The following RPTOR variants were observed in gnomAD, a reference collection of about 807,000 sequenced individuals.
RPTOR encodes the protein regulatory associated protein of MTOR complex 1.
RPTOR carries 21 observed loss-of-function variants against 169.9 expected under a neutral mutation model. The ratio of observed to expected loss-of-function variants is 0.12; its 90% CI spans 0.09 to 0.18. The LOEUF (loss-of-function observed/expected upper bound fraction) is 0.18, where lower values mean the gene tolerates loss of function less well. Among genes scored for constraint, RPTOR ranks in the 10% least tolerant of loss-of-function variants. The pLI is 1.00. For synonymous variants in RPTOR, 732 were observed against 753.2 expected, an observed-to-expected ratio of 0.97 and a Z score of 0.46; for missense variants, 1,133 against 1,855.9, an observed-to-expected ratio of 0.61 and a Z score of 7.16.
chr17:80,656,490 TG>T (rs1443877556), intron 3 of RPTOR, among the ~76,000 whole-genome samples: 2 of 152,226 alleles, frequency 1.3e-5, no homozygotes, highest in African/African-American at 4.8e-5. Flanking sequence ...CACCGTGACT[TG>T]GGGCAGATGC....
In RPTOR at chr17:80,964,327, A is replaced by G. The variant is rs993613438; in HGVS notation, c.4005A>G (p.Arg1335=). 4 of 1,606,920 alleles carry G rather than the reference A, an allele frequency of 2.5e-6. No individual in the cohort carries two copies. The African/African-American group carries it at 4.0e-5, about 16-fold the overall frequency. The change falls in exon 34 of 34, where the codon AGA becomes AGG. Residue 1335 remains arginine, a synonymous_variant. Transcript: ENST00000306801. ...ISVYSVEKRV[R] is the part of the protein sequence containing the mutation. Reference sequence around the variant, plus strand: ...TGTACTCGGTGGAGAAGCGTGTCAGATAGCGGCGTGACCCGGGCCCACCAG... The same window carrying G: ...TGTACTCGGTGGAGAAGCGTGTCAGGTAGCGGCGTGACCCGGGCCCACCAG...
chr17:80,604,153 A>G (rs1011535445), intron 1 of RPTOR, among the ~76,000 whole-genome samples: 9 of 152,242 alleles, frequency 5.9e-5, no homozygotes, highest in Admixed American at 2.6e-4. Context: ...TGACATGTAC[A>G]TCACCACTTT....
chr17:80,942,823 T>C (rs1027637126), intron 25 of RPTOR, among the ~76,000 whole-genome samples: 1 of 152,248 alleles, frequency 6.6e-6, no homozygotes, highest in African/African-American at 2.4e-5. Context: ...CGACCTTGGC[T>C]GTCACGCACT....
chr17:80,830,752 CTTT>C (rs34990055), intron 9 of RPTOR, among the ~76,000 whole-genome samples: 1 of 142,732 alleles, frequency 7.0e-6, no homozygotes, highest in African/African-American at 2.6e-5. Flanking sequence ...TCATTTTCAT[CTTT>C]TTTTTTTTTT....
At chr17:80,928,580 G>A (rs1458228297) in intron 24 of RPTOR, among the ~76,000 whole-genome samples, 2 of 152,184 alleles carry the variant, frequency 1.3e-5, no homozygotes, top group Non-Finnish European at 2.9e-5. Flanking sequence ...GTCTGCTAAC[G>A]TTTTTATTAG....
chr17:80,734,904 T>G (rs1252659831), intron 5 of RPTOR, among the ~76,000 whole-genome samples: 1 of 152,156 alleles, frequency 6.6e-6, no homozygotes, highest in Non-Finnish European at 1.5e-5. Flanking sequence ...AGCATTCACA[T>G]GGTAGTAGAT....
intron 9 of RPTOR, among the ~76,000 whole-genome samples, chr17:80,836,107 C>T (rs1271824882): frequency 6.6e-6 from 1 of 152,162 alleles, no homozygotes; most frequent in Non-Finnish European, 1.5e-5. Context: ...CGCTGAATTT[C>T]ACCAAGCAGC....
Position 80,633,536 on chromosome 17 carries a change from C to G in RPTOR, c.265+7743C>G, listed in dbSNP as rs2065457854. ...TTCCGTTTAGGTCATGCTTCGCTGG[C>G]AGGAGCATCACGCAGAGCTGCCTGC... is the stretch of plus-strand genomic sequence containing the variant. On this transcript the variant is annotated intron_variant, in intron 2 of 33. Coordinates refer to ENST00000306801, the MANE Select transcript of RPTOR (RefSeq NM_020761.3). The surrounding 1 kb of genome is among the most constrained non-coding windows in gnomAD (Gnocchi z 4.1). Among the ~76,000 whole-genome samples the G allele has an allele frequency of 6.6e-6, 1 of 152,230 alleles. No individual in the cohort carries two copies. The highest frequency in any genetic ancestry group is 2.1e-4 in the South Asian group (1 of 4,830).
chr17:80,621,127 C>T (rs964517403), intron 1 of RPTOR, among the ~76,000 whole-genome samples: 1 of 152,148 alleles, frequency 6.6e-6, no homozygotes, highest in Non-Finnish European at 1.5e-5. Context: ...CTATTGCTGG[C>T]CTGTAAAGAA....
intron 5 of RPTOR, among the ~76,000 whole-genome samples, chr17:80,751,438 G>A (rs937149213): frequency 2.6e-5 from 4 of 152,138 alleles, no homozygotes; most frequent in Admixed American, 2.6e-4. Flanking sequence ...AAACCTCATG[G>A]GGTTGGTAAA....
chr17:80,913,735 G>A (rs1472729203), intron 21 of RPTOR, among the ~76,000 whole-genome samples: 4 of 152,180 alleles, frequency 2.6e-5, no homozygotes, highest in African/African-American at 9.7e-5. Context: ...TTACAGGCAT[G>A]AGCCACTGCA....
chr17:80,828,359 G>T (rs1402207998), intron 9 of RPTOR, among the ~76,000 whole-genome samples: 1 of 152,212 alleles, frequency 6.6e-6, no homozygotes, highest in Admixed American at 6.5e-5. Context: ...GCAGTCAGCT[G>T]CATCCCACCT....
In RPTOR at chr17:80,823,352, A is replaced by ATTTT; in HGVS notation, c.1136+129_1136+130insTTTT. The ATTTT allele has an allele frequency of 6.7e-6, 8 of 1,194,706 alleles. No individual in the cohort carries two copies. Among genetic ancestry groups the ATTTT allele is most frequent in the South Asian group, 3.0e-5 (2 of 66,838 alleles). The allele number at this position is 1,194,706 out of a possible 1,614,324, so 74.0% of individuals were successfully genotyped here. A position where few individuals can be genotyped will look rare whatever the true frequency, so the allele number is the denominator to read the frequency against. ...TTGGGGACCCCGTGTAGCATTAACA[A>ATTTT]GTGAAGCTAAATGCAGGGCTCCCAG... On this transcript the variant is annotated intron_variant, in intron 9 of 33. Transcript: ENST00000306801. The surrounding 1 kb of genome is among the most constrained non-coding windows in gnomAD (Gnocchi z 4.5).
intron 21 of RPTOR, among the ~76,000 whole-genome samples, chr17:80,910,547 A>G (rs1180809395): frequency 6.6e-6 from 1 of 152,182 alleles, no homozygotes. Context: ...CGTCACGGCT[A>G]TGGCGTTGCC....
chr17:80,723,506 T>G (rs1210989995), intron 4 of RPTOR, among the ~76,000 whole-genome samples: 1 of 151,438 alleles, frequency 6.6e-6, no homozygotes, highest in Admixed American at 6.6e-5. Context: ...TTATCATTAT[T>G]TATTTTGTTA....
chr17:80,825,792 G>A (rs908558658), intron 9 of RPTOR, among the ~76,000 whole-genome samples: 15 of 152,184 alleles, frequency 9.9e-5, no homozygotes, highest in Admixed American at 2.6e-4. Flanking sequence ...GCTAATGTGC[G>A]CCTTTAGTGA....
chr17:80,791,576 T>C, intron 7 of RPTOR, 67 bp downstream of exon 7: 1 of 1,410,120 alleles, frequency 7.1e-7, no homozygotes, highest in East Asian at 2.3e-5. Context: ...TTTTGAAGGC[T>C]CTTGCTTCTC....
At chr17:80,781,399 C>T (rs1300950317) in intron 6 of RPTOR, among the ~76,000 whole-genome samples, 1 of 152,164 alleles carries the variant, frequency 6.6e-6, no homozygotes, top group Non-Finnish European at 1.5e-5. Context: ...GGCCGCCCTG[C>T]GGTTCCCTTC....
Position 80,964,473 on chromosome 17 carries a change from C to A in RPTOR, c.*143C>A. On this transcript the variant is annotated 3_prime_UTR_variant, in exon 34 of 34. Transcript: ENST00000306801. ...TTAGCTGCTGATGACGGCAGGAGGG[C>A]CCTGCTACTCGCTTTTGTCTGTCTT... 1.3e-6 allele frequency: 1 copy of A among 753,006 alleles called. No homozygotes were observed. The highest frequency in any genetic ancestry group is 2.2e-5 in the Admixed American group (1 of 45,096). The allele number at this position is 753,006 out of a possible 1,614,324, so 46.6% of individuals were successfully genotyped here.
Sources: allele counts gnomAD v4.1 joint callset (sites outside exome capture counted in the v4.1 genomes callset), GRCh38; gene constraint gnomAD v4.1.1; non-coding constraint Gnocchi (gnomAD v3.1); transcripts MANE v1.5; gene names NCBI Gene and HGNC (gene_info 2026-07-23, HGNC 2026-07-21).